PCDH11X: variants seen among roughly 807,000 people sequenced by gnomAD.
PCDH11X encodes protocadherin-11 X-linked.
A neutral mutation model predicts 53.3 loss-of-function variants in PCDH11X; 18 were observed. The ratio of observed to expected loss-of-function variants is 0.34; its 90% CI spans 0.23 to 0.50. The LOEUF (loss-of-function observed/expected upper bound fraction) is 0.50. PCDH11X is among the 20% of genes least tolerant of loss of function. PCDH11X has a pLI of 0.98. For synonymous variants in PCDH11X, 279 were observed against 393.3 expected (o/e 0.71, Z 3.44); for missense variants, 570 against 1,032.4 (o/e 0.55, Z 6.14).
chrX:91,782,123 T>C (rs1322994206), intron 1 of PCDH11X, among the ~76,000 whole-genome samples: 2 of 111,880 alleles, frequency 1.8e-5, no homozygotes, highest in Non-Finnish European at 3.8e-5. Flanking sequence ...GCGCGCTCCC[T>C]GCGCGCAGCC....
intron 6 of PCDH11X, among the ~76,000 whole-genome samples, chrX:92,147,841 T>TTCTTTCTTTCTTTC (rs2065306469): frequency 1.0e-5 from 1 of 99,588 alleles, no homozygotes; most frequent in Non-Finnish European, 2.0e-5. Flanking sequence ...CTTTCTTTCT[T>TTCTTTCTTTCTTTC]TCTTTCTTTC....
At chrX:92,376,096 T>A (rs1221083842) in intron 8 of PCDH11X, among the ~76,000 whole-genome samples, 1 of 111,845 alleles carries the variant, frequency 8.9e-6, no homozygotes, top group Non-Finnish European at 1.9e-5. Context: ...CTATTAGGTC[T>A]GAGCTCATAT....
chrX:92,293,923 A>G (rs1472336993), intron 8 of PCDH11X, among the ~76,000 whole-genome samples: 2 of 109,060 alleles, frequency 1.8e-5, no homozygotes, highest in South Asian at 8.2e-4. Flanking sequence ...AAAGACATTA[A>G]GAAATAGAAA....
intron 4 of PCDH11X, among the ~76,000 whole-genome samples, chrX:91,814,001 T>A (rs1410552557): frequency 9.5e-6 from 1 of 105,664 alleles, no homozygotes; most frequent in Non-Finnish European, 2.0e-5. Flanking sequence ...CAAATTTTTA[T>A]TATTTTCAGG....
chrX:91,893,951 C>T (rs1392614635), intron 6 of PCDH11X, among the ~76,000 whole-genome samples: 2 of 111,228 alleles, frequency 1.8e-5, no homozygotes, highest in Non-Finnish European at 3.8e-5. Context: ...TTAAGTTAGC[C>T]CTTTTTACTT....
chrX:91,815,594 A>G (rs1450953959), intron 4 of PCDH11X, among the ~76,000 whole-genome samples: 3 of 109,004 alleles, frequency 2.8e-5, no homozygotes, highest in Admixed American at 9.9e-5. Flanking sequence ...ATTTTTTCAT[A>G]TACTTGGTAA....
chrX:92,493,704 T>C (rs1475438041), intron 10 of PCDH11X, among the ~76,000 whole-genome samples: 6 of 99,833 alleles, frequency 6.0e-5, no homozygotes, highest in Non-Finnish European at 1.2e-4. Flanking sequence ...TGGAGTGCAA[T>C]GGCATGATCT....
intron 9 of PCDH11X, among the ~76,000 whole-genome samples, chrX:92,439,764 T>C (rs2072469984): frequency 9.5e-6 from 1 of 105,813 alleles, no homozygotes; most frequent in Non-Finnish European, 1.9e-5. Flanking sequence ...TACTATCCCT[T>C]CTTCTGCTTG....
chrX:92,187,768 T>G (rs915276088), intron 6 of PCDH11X, among the ~76,000 whole-genome samples: 1 of 112,085 alleles, frequency 8.9e-6, no homozygotes, highest in African/African-American at 3.2e-5. Context: ...TTAGATTATT[T>G]GTACCCTGGA....
chrX:92,497,953 T>A (rs1171278899), intron 10 of PCDH11X, among the ~76,000 whole-genome samples: 1 of 112,012 alleles, frequency 8.9e-6, no homozygotes, highest in Non-Finnish European at 1.9e-5. Flanking sequence ...TTAAGAATAA[T>A]ATCTGCCTGA....
intron 6 of PCDH11X, among the ~76,000 whole-genome samples, chrX:91,944,522 C>T (rs1454820893): frequency 9.7e-6 from 1 of 103,381 alleles, no homozygotes; most frequent in African/African-American, 3.5e-5. Flanking sequence ...TATAGTGCAT[C>T]ATTATGTAAC....
chrX:92,180,078 G>A (rs1486094831), intron 6 of PCDH11X, among the ~76,000 whole-genome samples: 1 of 112,280 alleles, frequency 8.9e-6, no homozygotes, highest in Non-Finnish European at 1.9e-5. Context: ...TCTGCAGGCT[G>A]TACAGGAAGC....
chrX:92,205,511 T>C (rs1456258136), intron 7 of PCDH11X, among the ~76,000 whole-genome samples: 1 of 110,744 alleles, frequency 9.0e-6, no homozygotes, highest in Non-Finnish European at 1.9e-5. Flanking sequence ...TGACATCAGG[T>C]ATCACTGGGA....
intron 9 of PCDH11X, among the ~76,000 whole-genome samples, chrX:92,394,958 T>A (rs1326714155): frequency 1.8e-5 from 2 of 111,547 alleles, no homozygotes; most frequent in Non-Finnish European, 3.8e-5. Flanking sequence ...CTATAGACCA[T>A]CTGTCTTACC....
At position 91,883,228 on chromosome X, in the gene PCDH11X, T is replaced by C. The variant is rs916770370; in HGVS notation, c.3033+3955T>C. On this transcript the variant is annotated intron_variant, in intron 6 of 10. Transcript: ENST00000682573. ...CTCTGAATCAACAGCCATGATGTAA[T>C]ATAAGGCTGTCTTGGTGTATACACT... The C allele has an allele frequency of 4.7e-6, 4 of 856,423 alleles. No homozygotes were observed. In the African/African-American group the frequency reaches 7.2e-5, roughly 15 times the overall value. The allele number at this position is 856,423 out of a possible 1,213,427, so 70.6% of individuals were successfully genotyped here. A position where few individuals can be genotyped will look rare whatever the true frequency, so the allele number is the denominator to read the frequency against.
At chrX:91,822,934 C>T (rs1324788485) in intron 4 of PCDH11X, among the ~76,000 whole-genome samples, 1 of 110,517 alleles carries the variant, frequency 9.0e-6, no homozygotes, top group Non-Finnish European at 1.9e-5. Flanking sequence ...GTTATGTACC[C>T]AGTAGTCATT....
At chrX:92,004,995 C>T (rs1192534584) in intron 6 of PCDH11X, among the ~76,000 whole-genome samples, 1 of 110,087 alleles carries the variant, frequency 9.1e-6, no homozygotes, top group African/African-American at 3.3e-5. Context: ...AGGATGGTCT[C>T]GATCTCCTGA....
intron 6 of PCDH11X, among the ~76,000 whole-genome samples, chrX:92,147,554 A>G (rs1263073242): frequency 9.0e-6 from 1 of 111,118 alleles, no homozygotes; most frequent in Non-Finnish European, 1.9e-5. Flanking sequence ...ATCAATTGGC[A>G]AGATGTTCTC....
At chrX:92,317,154 G>A (rs1333084381) in intron 8 of PCDH11X, among the ~76,000 whole-genome samples, 3 of 109,744 alleles carry the variant, frequency 2.7e-5, no homozygotes, top group Non-Finnish European at 5.7e-5. Context: ...GTTATAGCTT[G>A]TGAAATTGTC....
Sources: allele counts gnomAD v4.1 joint callset (sites outside exome capture counted in the v4.1 genomes callset), GRCh38; gene constraint gnomAD v4.1.1; transcripts MANE v1.5; gene names NCBI Gene and HGNC (gene_info 2026-07-23, HGNC 2026-07-21).